Variants in SLC7A5 observed in about 807,000 individuals in gnomAD.
The protein encoded by SLC7A5 is solute carrier family 7 member 5.
In SLC7A5, 23 loss-of-function variants were observed where a neutral mutation model predicts 50.2. The ratio of observed to expected loss-of-function variants is 0.46; its 90% confidence interval spans 0.33 to 0.65. SLC7A5 has a LOEUF of 0.65. SLC7A5 is among the 30% of genes least tolerant of loss of function. SLC7A5 has a pLI of 0.02. For missense variants in SLC7A5, 578 were observed against 684.4 expected (o/e 0.84, Z 1.73); for synonymous variants, 393 against 330.6 (o/e 1.19, Z -2.05).
intron 2 of SLC7A5, among the ~76,000 whole-genome samples, chr16:87,842,126 A>C (rs2143742672): frequency 6.6e-6 from 1 of 152,314 alleles, no homozygotes; most frequent in East Asian, 1.9e-4. Flanking sequence ...ACACCACCGG[A>C]ACAAAGGAGC....
At chr16:87,834,229 T>C (rs551631877) in intron 9 of SLC7A5, among the ~76,000 whole-genome samples, 185 bp downstream of exon 9, 5 of 152,220 alleles carry the variant, frequency 3.3e-5, no homozygotes, top group Non-Finnish European at 5.9e-5. Context: ...TAGCTGGTGC[T>C]GCGCTGTGTG....
rs1225808399 is a variant in SLC7A5 at position 87,862,984 on chromosome 16, G to A, written c.538+5901C>T. 1.3e-5 allele frequency among the ~76,000 whole-genome samples: 2 copies of A among 152,186 alleles called. No individual in the cohort carries two copies. The highest frequency in any genetic ancestry group is 4.8e-5 in the African/African-American group (2 of 41,452). ...CAGCCACCCGCAGCCAGAGTCCCGC[G>A]AGACCGACGGACGGCCTGCCCCTGC... On this transcript the variant is annotated intron_variant, in intron 1 of 9. Coordinates refer to ENST00000261622, the MANE Select transcript of SLC7A5 (RefSeq NM_003486.7). This position sits in a 1 kb window ranked among gnomAD's most constrained non-coding sequence, Gnocchi z 5.3.
chr16:87,854,190 C>T (rs35805555), intron 1 of SLC7A5, among the ~76,000 whole-genome samples: 2 of 151,728 alleles, frequency 1.3e-5, no homozygotes, highest in South Asian at 4.2e-4. Context: ...CAGATCATCT[C>T]CTGACGTTGG....
chr16:87,836,844 A>T, intron 7 of SLC7A5, 197 bp from the exon 8 acceptor site: 3 of 376,734 alleles, frequency 8.0e-6, no homozygotes, highest in Non-Finnish European at 1.6e-5. Flanking sequence ...GGAGAGGAGG[A>T]GGGAAGAGGC....
In SLC7A5 at chr16:87,869,144, G is replaced by T; in HGVS notation, c.279C>A (p.Gly93=). Residue 93 remains glycine, a synonymous_variant, in exon 1 of 10, where the codon GGC becomes GGA. Coordinates refer to ENST00000261622, the MANE Select transcript of SLC7A5 (RefSeq NM_003486.7). ...GLALVVWAAC[G]VFSIVGALCY... ...AGAGCGCGCCCACGATGGAGAAGAC[G>T]CCGCACGCGGCCCACACCACCAGCG... 6.2e-7 allele frequency: 1 copy of T among 1,611,816 alleles called. No individual in the cohort carries two copies. The highest frequency in any genetic ancestry group is 8.5e-7 in the Non-Finnish European group (1 of 1,179,718).
chr16:87,861,087 G>A lies in SLC7A5; in HGVS notation c.538+7798C>T, dbSNP rs533855773. Among the ~76,000 whole-genome samples the A allele has an allele frequency of 1.3e-5, 2 of 152,338 alleles. No homozygotes were observed. The highest frequency in any genetic ancestry group is 3.9e-4 in the East Asian group (2 of 5,166). On this transcript the variant is annotated intron_variant, in intron 1 of 9. Coordinates refer to ENST00000261622, the MANE Select transcript of SLC7A5 (RefSeq NM_003486.7). This position sits in a 1 kb window ranked among gnomAD's most constrained non-coding sequence, Gnocchi z 4.2. ...CACAGGGCCTCTGGGGAGCGTGCGG[G>A]CACACAGTACCAATCTGCATGCATA...
At chr16:87,867,628 C>G (rs989034850) in intron 1 of SLC7A5, among the ~76,000 whole-genome samples, 1 of 152,102 alleles carries the variant, frequency 6.6e-6, no homozygotes, top group East Asian at 1.9e-4. Flanking sequence ...AAGCCACTCC[C>G]CTGATTTCAT....
chr16:87,868,896 C>G lies in SLC7A5; in HGVS notation c.527G>C (p.Cys176Ser). ...CGCCCCGTACTCACGCACGCAGAGG[C>G]AGGCCACGAGCTTGGCTGCCTCCTC... is the stretch of plus-strand genomic sequence containing the variant. ...VPEEAAKLVA[C>S]LCVLLLTAVN... is the part of the protein sequence containing the mutation. Residue 176 changes from cysteine (C) to serine (S), a missense_variant, in exon 1 of 10, where the codon TGC (cysteine) becomes TCC (serine). By Grantham distance (112) the Cys-to-Ser change is moderately radical (BLOSUM62 -1). Around this residue, in one of 2 missense-constraint regions of SLC7A5, gnomAD observed 465 missense variants for 594.6 expected, o/e 0.78. Transcript: ENST00000261622. The G allele has an allele frequency of 6.2e-7, 1 of 1,608,028 alleles. No homozygotes were observed. The highest frequency in any genetic ancestry group is 8.5e-7 in the Non-Finnish European group (1 of 1,178,152).
intron 2 of SLC7A5, among the ~76,000 whole-genome samples, chr16:87,845,959 G>C (rs1325785594): frequency 6.6e-6 from 1 of 152,212 alleles, no homozygotes; most frequent in Non-Finnish European, 1.5e-5. Flanking sequence ...TCCCCAGCCT[G>C]TCATCCTCCC....
At chr16:87,843,503 G>A (rs1287302907) in intron 2 of SLC7A5, among the ~76,000 whole-genome samples, 1 of 151,750 alleles carries the variant, frequency 6.6e-6, no homozygotes, top group African/African-American at 2.4e-5. Flanking sequence ...GCTGCAGGAG[G>A]GACCTGCTTG....
At position 87,860,190 on chromosome 16, in the gene SLC7A5, G is replaced by A. The variant is rs2055372908; in HGVS notation, c.539-8341C>T. Among the ~76,000 whole-genome samples the A allele has an allele frequency of 6.6e-6, 1 of 151,610 alleles. No homozygotes were observed. The highest frequency in any genetic ancestry group is 1.5e-5 in the Non-Finnish European group (1 of 67,932). On this transcript the variant is annotated intron_variant, in intron 1 of 9. Transcript: ENST00000261622. The surrounding 1 kb of genome is among the most constrained non-coding windows in gnomAD (Gnocchi z 4.8). The stretch of plus-strand genomic sequence containing the variant: ...CTCTACTAAAAACACAAAATTAGCT[G>A]GGCATGGTGGTGCATGCCTGTAGTC...
intron 2 of SLC7A5, among the ~76,000 whole-genome samples, chr16:87,847,759 G>C (rs7206409): frequency 0.011 from 1,697 of 152,290 alleles, 31 homozygotes; most frequent in African/African-American, 0.038. Context: ...GCTCACGGCT[G>C]TGGGACCTGG....
At chr16:87,847,889 T>C (rs1005135359) in intron 2 of SLC7A5, among the ~76,000 whole-genome samples, 2 of 152,176 alleles carry the variant, frequency 1.3e-5, no homozygotes, top group Non-Finnish European at 2.9e-5. Context: ...CACAGCCCAG[T>C]GGCACACACG....
intron 1 of SLC7A5, among the ~76,000 whole-genome samples, chr16:87,863,870 C>A (rs780931689): frequency 6.6e-6 from 1 of 151,286 alleles, no homozygotes; most frequent in Non-Finnish European, 1.5e-5. Context: ...GGATCCAGAC[C>A]CGAAAGCCAC....
In SLC7A5 at chr16:87,832,528, CTG is replaced by C. The variant is rs2054946578; in HGVS notation, c.*440_*441del. The C allele has an allele frequency of 6.5e-6, 1 of 153,774 alleles. No individual in the cohort carries two copies. Among genetic ancestry groups the C allele is most frequent in the Non-Finnish European group, 1.4e-5 (1 of 69,194 alleles). 9.5% of individuals were successfully genotyped at this position (153,774 alleles called of 1,614,324 possible). A position where few individuals can be genotyped will look rare whatever the true frequency, so the allele number is the denominator to read the frequency against. On this transcript the variant is annotated 3_prime_UTR_variant, in exon 10 of 10. Transcript: ENST00000261622. The surrounding 1 kb of genome is among the most constrained non-coding windows in gnomAD (Gnocchi z 4.6). ...GCAGCTGTCCGGCTTCAGTGCAAGT[CTG>C]TGGTAGCAATGAGGTTCCAAGTCTC...
chr16:87,857,881 G>A (rs2055341035), intron 1 of SLC7A5, among the ~76,000 whole-genome samples: 1 of 152,192 alleles, frequency 6.6e-6, no homozygotes, highest in Non-Finnish European at 1.5e-5. Context: ...CACGGGGGAG[G>A]AGGTGTCAGC....
intron 2 of SLC7A5, among the ~76,000 whole-genome samples, chr16:87,848,581 TCC>T (rs1319323760): frequency 1.3e-5 from 2 of 152,040 alleles, no homozygotes; most frequent in South Asian, 4.2e-4. Flanking sequence ...CAGCCATGAC[TCC>T]CCCAAGACGC....
chr16:87,860,876 G>A lies in SLC7A5; in HGVS notation c.538+8009C>T, dbSNP rs1329009550. On this transcript the variant is annotated intron_variant, in intron 1 of 9. Coordinates refer to ENST00000261622, the MANE Select transcript of SLC7A5 (RefSeq NM_003486.7). The surrounding 1 kb of genome is among the most constrained non-coding windows in gnomAD (Gnocchi z 4.8). ...TGCCAGAGAACGGTCCCCACCTGGG[G>A]TGGTCTGACGGCCAGGGATGCAGGG... Among the ~76,000 whole-genome samples, 1 of 152,236 alleles carries A rather than the reference G, an allele frequency of 6.6e-6. No individual in the cohort carries two copies. Among genetic ancestry groups the A allele is most frequent in the African/African-American group, 2.4e-5 (1 of 41,462 alleles).
rs1405670554 is a variant in SLC7A5, at chr16:87,862,571, T to C, written c.538+6314A>G. Reference sequence around the variant, plus strand: ...TCTGGCTCTTCCCTCCCTCTCTTTGTTCCCTTGCTCCTTCCTTCTTTTGCC... The same window carrying C: ...TCTGGCTCTTCCCTCCCTCTCTTTGCTCCCTTGCTCCTTCCTTCTTTTGCC... On this transcript the variant is annotated intron_variant, in intron 1 of 9. Transcript: ENST00000261622. The surrounding 1 kb of genome is among the most constrained non-coding windows in gnomAD (Gnocchi z 5.3). Among the ~76,000 whole-genome samples the C allele has an allele frequency of 6.6e-6, 1 of 152,200 alleles. No homozygotes were observed. The highest frequency in any genetic ancestry group is 1.5e-5 in the Non-Finnish European group (1 of 68,024).
Sources: gnomAD v4.1 joint callset for allele counts (sites outside exome capture counted in the v4.1 genomes callset) on GRCh38, gnomAD v4.1.1 for gene constraint, gnomAD v4.1.1 regional missense constraint, Gnocchi (gnomAD v3.1) non-coding constraint, MANE v1.5 for transcripts, NCBI Gene and HGNC (gene_info 2026-07-23, HGNC 2026-07-21) for gene names.